ANKRD36C: variants seen among roughly 807,000 people sequenced by gnomAD.
The protein encoded by ANKRD36C is ankyrin repeat domain 36C.
Under a neutral mutation model 276.4 loss-of-function variants are expected in ANKRD36C, and 61 were observed. That is an observed-to-expected ratio of 0.22 (90% CI 0.18 to 0.27). The LOEUF (loss-of-function observed/expected upper bound fraction) is 0.27, where lower values mean the gene tolerates loss of function less well. ANKRD36C is among the 10% of genes least tolerant of loss of function. The probability of loss-of-function intolerance (pLI) is 1.00; values close to 1 mark genes in which losing one functional copy is unlikely to be tolerated. For missense variants in ANKRD36C, 1,447 were observed against 2,032.3 expected (o/e 0.71, Z 5.54); for synonymous variants, 483 against 680.1 (o/e 0.71, Z 4.51).
At chr2:95,950,373 T>C (rs1193036357) in intron 16 of ANKRD36C, among the ~76,000 whole-genome samples, 6 of 107,770 alleles carry the variant, frequency 5.6e-5, no homozygotes, top group Admixed American at 2.0e-4. Flanking sequence ...TAACAAAATG[T>C]GACTTTCTGA....
intron 54 of ANKRD36C, among the ~76,000 whole-genome samples, chr2:95,882,829 A>G (rs1453652954): frequency 6.6e-6 from 1 of 152,186 alleles, no homozygotes; most frequent in African/African-American, 2.4e-5. Flanking sequence ...TCATACACCC[A>G]GGAATCAATG....
intron 36 of ANKRD36C, among the ~76,000 whole-genome samples, chr2:95,917,310 C>T (rs1344916528): frequency 3.3e-5 from 5 of 151,196 alleles, no homozygotes; most frequent in Admixed American, 6.6e-5. Context: ...TGAAGTGAGT[C>T]CACTCAGATT....
rs1678081619 is a variant in ANKRD36C, at chr2:95,947,370, A to T, written c.1362+1160T>A. Among the ~76,000 whole-genome samples the T allele has an allele frequency of 2.0e-5, 3 of 152,208 alleles. No homozygotes were observed. The South Asian group carries it at 6.2e-4, about 31-fold the overall frequency. On this transcript the variant is annotated intron_variant, in intron 17 of 66. Transcript: ENST00000456556. The stretch of plus-strand genomic sequence containing the variant: ...TCAGGCATATTATGTTACCTGTAAC[A>T]TTCCATTTAAAAAAAGCCCATTTCC...
chr2:95,855,667 G>A (rs1325117335), exon 63 of ANKRD36C: 3 of 1,611,478 alleles, frequency 1.9e-6, no homozygotes, highest in African/African-American at 1.3e-5. Flanking sequence ...CCTGTGTAAT[G>A]GAGCTCAGTT....
exon 60 of ANKRD36C, chr2:95,867,478 A>G: frequency 2.1e-6 from 3 of 1,410,238 alleles, no homozygotes; most frequent in South Asian, 1.3e-5. Flanking sequence ...GAGTAATATG[A>G]CATTCTTACA....
At chr2:95,939,686 C>G (rs1467134589) in intron 20 of ANKRD36C, among the ~76,000 whole-genome samples, 4 of 149,202 alleles carry the variant, frequency 2.7e-5, no homozygotes, top group East Asian at 2.0e-4. Context: ...GCCTGGGTGA[C>G]AGAGCGAGAC....
intron 6 of ANKRD36C, among the ~76,000 whole-genome samples, chr2:95,964,001 ATATATATATATATG>A (rs1275273671): frequency 5.3e-3 from 122 of 23,040 alleles, no homozygotes; most frequent in South Asian, 0.012. Context: ...ATATATATAT[ATATATATATATATG>A]TGTGTGTGTG....
chr2:95,917,202 A>G (rs1238673235), intron 36 of ANKRD36C, among the ~76,000 whole-genome samples: 2 of 151,636 alleles, frequency 1.3e-5, no homozygotes, highest in African/African-American at 4.8e-5. Context: ...GTAATGAGTC[A>G]GTGTGCTTTA....
intron 42 of ANKRD36C, among the ~76,000 whole-genome samples, chr2:95,911,309 C>T (rs1243689660): frequency 1.3e-5 from 2 of 151,436 alleles, no homozygotes; most frequent in African/African-American, 2.4e-5. Flanking sequence ...TAAAATGCTA[C>T]AAGCATTAGA....
At chr2:95,985,441 A>G (rs1223374046) in intron 3 of ANKRD36C, among the ~76,000 whole-genome samples, 11 of 152,078 alleles carry the variant, frequency 7.2e-5, no homozygotes, top group Admixed American at 6.6e-4. Flanking sequence ...GAAATGTTTT[A>G]TTGTTGTTGT....
chr2:95,921,625 C>T (rs1280147744), exon 34 of ANKRD36C: 7 of 1,608,690 alleles, frequency 4.4e-6, no homozygotes, highest in Non-Finnish European at 5.1e-6. Flanking sequence ...GATTTTTCTC[C>T]ATCCTTTATT....
At chr2:95,963,341 CA>C (rs1485796681) in intron 6 of ANKRD36C, among the ~76,000 whole-genome samples, 1 of 152,032 alleles carries the variant, frequency 6.6e-6, no homozygotes, top group Non-Finnish European at 1.5e-5. Flanking sequence ...CTCCAATATT[CA>C]TTGAAAATAA....
At chr2:95,874,083 G>C (rs1278344732) in intron 59 of ANKRD36C, among the ~76,000 whole-genome samples, 1 of 151,802 alleles carries the variant, frequency 6.6e-6, no homozygotes, top group Non-Finnish European at 1.5e-5. Flanking sequence ...GAATCAGTAT[G>C]GTTAAAATGG....
chr2:95,925,641 C>T, intron 28 of ANKRD36C, 94 bp from the exon 29 acceptor site: 8 of 1,283,048 alleles, frequency 6.2e-6, no homozygotes, highest in Middle Eastern at 2.7e-4. Context: ...TGTATCCTCC[C>T]ACCTGCACTA....
At chr2:95,975,156 A>G (rs369211191) in intron 6 of ANKRD36C, among the ~76,000 whole-genome samples, 32 of 152,292 alleles carry the variant, frequency 2.1e-4, no homozygotes, top group African/African-American at 6.7e-4. Flanking sequence ...AGAACATTCC[A>G]TTCTCATGGG....
chr2:95,934,977 C>G (rs149061139), intron 24 of ANKRD36C, among the ~76,000 whole-genome samples: 6,286 of 108,078 alleles, frequency 0.058, no homozygotes, highest in South Asian at 0.11. Context: ...CACACACATA[C>G]ACATGCAGAA....
intron 34 of ANKRD36C, among the ~76,000 whole-genome samples, chr2:95,918,959 A>T (rs1677192414): frequency 7.7e-6 from 1 of 129,754 alleles, no homozygotes; most frequent in South Asian, 2.4e-4. Flanking sequence ...TTCACCCAAG[A>T]GGTAGCTCCT....
Position 95,857,298 on chromosome 2 carries a change from C to T in ANKRD36C, c.4080+11G>A, listed in dbSNP as rs200410141. ...AGTAGAAATATGAAGTTTTACCAAACATTAATTTACCTGATTTGAATTATT... is the reference window on the plus strand; with the variant it reads ...AGTAGAAATATGAAGTTTTACCAAATATTAATTTACCTGATTTGAATTATT... On this transcript the variant is annotated intron_variant, in intron 62 of 66. Transcript: ENST00000456556. 147 of 1,578,074 alleles carry T rather than the reference C, an allele frequency of 9.3e-5. No homozygotes were observed. Among genetic ancestry groups the T allele is most frequent in the Non-Finnish European group, 8.1e-5 (95 of 1,165,676 alleles).
At chr2:95,910,150 C>A (rs887782612) in intron 42 of ANKRD36C, among the ~76,000 whole-genome samples, 12 of 151,214 alleles carry the variant, frequency 7.9e-5, no homozygotes, top group Non-Finnish European at 1.5e-5. Flanking sequence ...CTCCATATAT[C>A]TTCTTCCCAA....
Sources: gnomAD v4.1 joint callset for allele counts (sites outside exome capture counted in the v4.1 genomes callset) on GRCh38, gnomAD v4.1.1 for gene constraint, MANE v1.5 for transcripts, NCBI Gene and HGNC (gene_info 2026-07-23, HGNC 2026-07-21) for gene names.